Variants in ATP8B4 observed in about 807,000 individuals in gnomAD.
The protein encoded by ATP8B4 is ATPase phospholipid transporting 8B4 (putative).
ATP8B4 carries 133 observed loss-of-function variants against 145.6 expected under a neutral mutation model. That is an observed-to-expected ratio of 0.91 (90% CI 0.79 to 1.05). ATP8B4 has a LOEUF of 1.05. ATP8B4 is among the 50% of genes least tolerant of loss of function. The pLI is 0.00. For synonymous variants in ATP8B4, 507 were observed against 492.9 expected, an observed-to-expected ratio of 1.03 and a Z score of -0.38; for missense variants, 1,458 against 1,425.2, an observed-to-expected ratio of 1.02 and a Z score of -0.37.
At chr15:50,135,530 T>C (rs2044109355) in intron 1 of ATP8B4, among the ~76,000 whole-genome samples, 1 of 152,168 alleles carries the variant, frequency 6.6e-6, no homozygotes, top group Non-Finnish European at 1.5e-5. Flanking sequence ...TATGTGCACA[T>C]ATGGCCACGC....
chr15:49,876,558 TAA>T (rs1421037988), intron 24 of ATP8B4, 35 bp from the exon 25 acceptor site: 1 of 1,612,608 alleles, frequency 6.2e-7, no homozygotes, highest in Non-Finnish European at 8.5e-7. Context: ...GGAGAAGGAT[TAA>T]AAAGAGTCAG....
intron 23 of ATP8B4, among the ~76,000 whole-genome samples, chr15:49,887,493 C>T (rs1474785976): frequency 1.3e-5 from 2 of 151,952 alleles, no homozygotes; most frequent in Non-Finnish European, 2.9e-5. Flanking sequence ...AGGAGTCCCA[C>T]AAAAAACCAT....
intron 1 of ATP8B4, among the ~76,000 whole-genome samples, chr15:50,115,802 C>T (rs537457029): frequency 9.2e-5 from 14 of 152,322 alleles, no homozygotes; most frequent in African/African-American, 3.4e-4. Context: ...CACCAAAACT[C>T]TACGAGCAGG....
chr15:50,049,922 T>A (rs1262461131), intron 3 of ATP8B4, among the ~76,000 whole-genome samples: 3 of 152,198 alleles, frequency 2.0e-5, no homozygotes, highest in Non-Finnish European at 4.4e-5. Flanking sequence ...GTATTTAGCA[T>A]TTTTTCATAT....
Position 49,943,646 on chromosome 15 carries a change from A to C in ATP8B4, c.1288-9464T>G, listed in dbSNP as rs1397945111. Among the ~76,000 whole-genome samples the C allele has an allele frequency of 3.9e-5, 6 of 152,222 alleles. No homozygotes were observed. The East Asian group carries it at 1.2e-3, about 29-fold the overall frequency. On this transcript the variant is annotated intron_variant, in intron 14 of 27. Coordinates refer to ENST00000284509, the MANE Select transcript of ATP8B4 (RefSeq NM_024837.4). Reference sequence around the variant, plus strand: ...ACTCTCCTTCAAAAACGAAAGAGAGATAAAGACTTTCTCAGAGAGAAACTC... The same window carrying C: ...ACTCTCCTTCAAAAACGAAAGAGAGCTAAAGACTTTCTCAGAGAGAAACTC...
chr15:50,172,792 G>A lies in ATP8B4; in HGVS notation c.-43+9469C>T, dbSNP rs564724410. ...ATGTGAAGAGCGCCTCTGCCCGGCC[G>A]CGACCCTGTCTGGGAAATGAGGAGT... On this transcript the variant is annotated intron_variant, in intron 1 of 3. Coordinates refer to the ATP8B4 transcript ENST00000558829. Among the ~76,000 whole-genome samples the A allele has an allele frequency of 1.1e-3, 162 of 151,400 alleles. 1 individual carries two copies. The highest frequency in any genetic ancestry group is 0.01 in the Middle Eastern group (3 of 290).
rs568434376 is a variant in ATP8B4, at chr15:50,132,533, A to G, written c.-42-25525T>C. The stretch of plus-strand genomic sequence containing the variant: ...GGTGGGAGTGTAAATTAGTTCAACC[A>G]TTGTGAAAGACAGTGTGGCAATTCC... On this transcript the variant is annotated intron_variant, in intron 1 of 3. Transcript: ENST00000558829. 2.2e-4 allele frequency among the ~76,000 whole-genome samples: 33 copies of G among 152,360 alleles called. 2 individuals are homozygous for G. The South Asian group carries it at 6.2e-3, about 29-fold the overall frequency.
chr15:50,152,053 G>T (rs1431315477), intron 1 of ATP8B4, among the ~76,000 whole-genome samples: 1 of 151,842 alleles, frequency 6.6e-6, no homozygotes, highest in South Asian at 2.1e-4. Flanking sequence ...TTTTCGTTTT[G>T]CCTTATCTAT....
intron 10 of ATP8B4, 59 bp downstream of exon 10, chr15:49,987,332 T>G: frequency 6.4e-7 from 1 of 1,559,080 alleles, no homozygotes; most frequent in African/African-American, 1.4e-5. Flanking sequence ...TCATAGACTG[T>G]GCTGGTGTAC....
rs1369751760 is a variant in ATP8B4, at chr15:50,073,009, TATATATATATACACACAC to T, written c.87+1100_87+1117del. Among the ~76,000 whole-genome samples, 108 of 50,568 alleles carry T rather than the reference TATATATATATACACACAC, an allele frequency of 2.1e-3. 2 individuals carry two copies. Among genetic ancestry groups the T allele is most frequent in the Middle Eastern group, 0.011 (1 of 94 alleles). The allele number at this position is 50,568 out of a possible 152,430, so 33.2% of individuals were successfully genotyped here. A position where few individuals can be genotyped will look rare whatever the true frequency, so the allele number is the denominator to read the frequency against. ...ATATATATATATATATATATATATATATATATATATACACACACACACACACACACACACACACACACA... is the reference window on the plus strand; with the variant it reads ...ATATATATATATATATATATATATATACACACACACACACACACACACACA... On this transcript the variant is annotated intron_variant, in intron 3 of 27. Coordinates refer to ENST00000284509, the MANE Select transcript of ATP8B4 (RefSeq NM_024837.4).
intron 3 of ATP8B4, among the ~76,000 whole-genome samples, chr15:50,073,804 C>A (rs1465232877): frequency 6.6e-6 from 1 of 152,130 alleles, no homozygotes; most frequent in Non-Finnish European, 1.5e-5. Flanking sequence ...CTAAGTGCTA[C>A]CAAAAAGGTC....
chr15:50,103,430 C>A (rs922105078), intron 2 of ATP8B4, among the ~76,000 whole-genome samples: 1 of 152,058 alleles, frequency 6.6e-6, no homozygotes, highest in East Asian at 1.9e-4. Context: ...AAATCAGTAG[C>A]CCTGCTATAC....
intron 3 of ATP8B4, among the ~76,000 whole-genome samples, chr15:50,056,786 A>G (rs2052638964): frequency 6.6e-6 from 1 of 151,864 alleles, no homozygotes; most frequent in Non-Finnish European, 1.5e-5. Context: ...GTAAAAACAT[A>G]TAGTACACAC....
chr15:50,065,028 G>A (rs11636226), intron 3 of ATP8B4, among the ~76,000 whole-genome samples: 18,094 of 152,024 alleles, frequency 0.12, 1,173 homozygotes, highest in African/African-American at 0.16. Context: ...ATGACAATTC[G>A]ACATGAGATT....
intron 10 of ATP8B4, among the ~76,000 whole-genome samples, chr15:49,981,607 TAAC>T (rs1206061701): frequency 1.3e-5 from 2 of 152,030 alleles, no homozygotes; most frequent in Non-Finnish European, 2.9e-5. Context: ...TAGTTAAAGA[TAAC>T]AAAGTCAACA....
At chr15:49,942,884 A>G (rs2042272221) in intron 14 of ATP8B4, among the ~76,000 whole-genome samples, 1 of 152,092 alleles carries the variant, frequency 6.6e-6, no homozygotes, top group Non-Finnish European at 1.5e-5. Context: ...AAATTAGTCT[A>G]AAGAAACAGA....
At chr15:50,019,128 C>G (rs1342630278) in intron 6 of ATP8B4, among the ~76,000 whole-genome samples, 1 of 152,156 alleles carries the variant, frequency 6.6e-6, no homozygotes, top group Non-Finnish European at 1.5e-5. Flanking sequence ...TTGACACTTG[C>G]AGAAACCAAA....
At chr15:49,936,260 G>A (rs1028079981) in intron 14 of ATP8B4, among the ~76,000 whole-genome samples, 4 of 152,124 alleles carry the variant, frequency 2.6e-5, no homozygotes, top group African/African-American at 7.2e-5. Context: ...TCTTGGGCTG[G>A]AGTCACTGTT....
At chr15:50,162,960 GCTT>G (rs1296431901) in intron 1 of ATP8B4, among the ~76,000 whole-genome samples, 3 of 152,026 alleles carry the variant, frequency 2.0e-5, no homozygotes, top group Admixed American at 1.3e-4. Flanking sequence ...CAAAATTTCT[GCTT>G]CTTTTTAATC....
Sources: allele counts gnomAD v4.1 joint callset (sites outside exome capture counted in the v4.1 genomes callset), GRCh38; gene constraint gnomAD v4.1.1; transcripts MANE v1.5; gene names NCBI Gene and HGNC (gene_info 2026-07-23, HGNC 2026-07-21).